The following ITGBL1 variants were observed in gnomAD, a reference collection of about 807,000 sequenced individuals.
ITGBL1 encodes integrin subunit beta like 1.
Under a neutral mutation model 68.5 loss-of-function variants are expected in ITGBL1, and 51 were observed. The ratio of observed to expected loss-of-function variants is 0.74; its 90% CI spans 0.59 to 0.94. The LOEUF is 0.94. Ranked by LOEUF, ITGBL1 falls within the 40% of genes least tolerant of loss-of-function variation. ITGBL1 has a pLI of 0.00. For synonymous variants in ITGBL1, 209 were observed against 227.3 expected (o/e 0.92, Z 0.72); for missense variants, 649 against 647.4 (o/e 1.00, Z -0.03).
chr13:101,552,102 A>G (rs1455116223), intron 2 of ITGBL1, among the ~76,000 whole-genome samples: 1 of 152,090 alleles, frequency 6.6e-6, no homozygotes. Context: ...CATACTGGCC[A>G]CTCTAGCAAC....
intron 4 of ITGBL1, 35 bp downstream of exon 4, chr13:101,575,581 T>C (rs2050345565): frequency 3.8e-6 from 6 of 1,597,450 alleles, no homozygotes; most frequent in Non-Finnish European, 5.1e-6. Flanking sequence ...TTAATAAAAG[T>C]ACCTGTTTTT....
intron 7 of ITGBL1, among the ~76,000 whole-genome samples, chr13:101,669,329 G>A (rs1292733565): frequency 1.3e-5 from 2 of 152,060 alleles, no homozygotes; most frequent in East Asian, 1.9e-4. Context: ...AAATAATATT[G>A]TGTGGTCAGA....
At chr13:101,597,187 TC>T (rs2139321928) in intron 6 of ITGBL1, among the ~76,000 whole-genome samples, 1 of 152,194 alleles carries the variant, frequency 6.6e-6, no homozygotes, top group Non-Finnish European at 1.5e-5. Context: ...ATATGGAATA[TC>T]TCCGCATCTC....
chr13:101,454,787 T>A (rs573795972), intron 2 of ITGBL1, among the ~76,000 whole-genome samples: 23 of 152,192 alleles, frequency 1.5e-4, no homozygotes, highest in Non-Finnish European at 2.1e-4. Flanking sequence ...ATCAGAAAAC[T>A]GTAACAAGGA....
chr13:101,690,008 T>C (rs2033848261), intron 7 of ITGBL1, among the ~76,000 whole-genome samples: 1 of 152,252 alleles, frequency 6.6e-6, no homozygotes, highest in Non-Finnish European at 1.5e-5. Flanking sequence ...CAGAAGCCAC[T>C]GTATCTTATA....
At chr13:101,716,841 C>T (rs1313895960), downstream of ITGBL1, 2 of 149,678 alleles carry the variant, frequency 1.3e-5, no homozygotes, top group South Asian at 2.1e-4. Flanking sequence ...TACAAATATT[C>T]ACTCAGTGAT....
intron 3 of ITGBL1, among the ~76,000 whole-genome samples, chr13:101,571,533 A>G (rs551916525): frequency 6.6e-6 from 1 of 152,140 alleles, no homozygotes; most frequent in Non-Finnish European, 1.5e-5. Context: ...ATAGTACACT[A>G]ACATGCTTCT....
At chr13:101,635,800 C>G (rs1473362870) in intron 7 of ITGBL1, among the ~76,000 whole-genome samples, 1 of 151,954 alleles carries the variant, frequency 6.6e-6, no homozygotes, top group African/African-American at 2.4e-5. Context: ...TAAAGAATAT[C>G]TGGGCTAATT....
At chr13:101,549,643 T>A (rs181500352) in intron 2 of ITGBL1, among the ~76,000 whole-genome samples, 200 of 152,152 alleles carry the variant, frequency 1.3e-3, no homozygotes, top group African/African-American at 4.4e-3. Flanking sequence ...TTTTAAAAGA[T>A]TTTTTATATA....
At chr13:101,601,485 G>A (rs377037978) in intron 7 of ITGBL1, among the ~76,000 whole-genome samples, 2 of 151,894 alleles carry the variant, frequency 1.3e-5, no homozygotes, top group Non-Finnish European at 2.9e-5. Flanking sequence ...TAGCTTTTGA[G>A]TGTGTTTGCT....
At chr13:101,660,292 T>G (rs780138607) in intron 7 of ITGBL1, among the ~76,000 whole-genome samples, 37 of 152,136 alleles carry the variant, frequency 2.4e-4, no homozygotes, top group Non-Finnish European at 5.3e-4. Flanking sequence ...GAGTGCTGAT[T>G]GGTTGGGTCA....
chr13:101,521,001 C>T (rs564452252), intron 2 of ITGBL1, among the ~76,000 whole-genome samples: 2 of 152,126 alleles, frequency 1.3e-5, no homozygotes, highest in East Asian at 3.9e-4. Flanking sequence ...ATCAGAATGC[C>T]GACTGAGAGA....
intron 2 of ITGBL1, among the ~76,000 whole-genome samples, chr13:101,508,204 A>G (rs1240375113): frequency 6.6e-6 from 1 of 152,196 alleles, no homozygotes; most frequent in Non-Finnish European, 1.5e-5. Flanking sequence ...CCATAAAAGC[A>G]AGAACTTTGT....
intron 7 of ITGBL1, among the ~76,000 whole-genome samples, chr13:101,602,874 G>A (rs2030472436): frequency 6.6e-6 from 1 of 151,916 alleles, no homozygotes; most frequent in Admixed American, 6.6e-5. Context: ...GTGTTTGCAA[G>A]GTTTATCAAA....
intron 2 of ITGBL1, among the ~76,000 whole-genome samples, chr13:101,507,936 T>C (rs1212278860): frequency 2.0e-5 from 3 of 152,174 alleles, no homozygotes; most frequent in Admixed American, 6.6e-5. Flanking sequence ...AACCTTTTCT[T>C]GTGTATTTTT....
chr13:101,583,156 A>T (rs766154010), intron 5 of ITGBL1, 60 bp from the exon 6 acceptor site: 6 of 1,507,962 alleles, frequency 4.0e-6, no homozygotes, highest in Non-Finnish European at 5.5e-6. Flanking sequence ...CGATATGTGA[A>T]ATGCTTTCTT....
chr13:101,716,083 A>C lies in ITGBL1; in HGVS notation c.*429A>C, dbSNP rs2034708948. 1 of 154,146 alleles carries C rather than the reference A, an allele frequency of 6.5e-6. No individual in the cohort carries two copies. The highest frequency in any genetic ancestry group is 2.4e-5 in the African/African-American group (1 of 41,496). The allele number at this position is 154,146 out of a possible 1,614,324, so 9.5% of individuals were successfully genotyped here. ...CAGCCCCAAATGCCAATAGGGCTCA[A>C]ACTGAGAAACATTGAGTTATATGGC... is the stretch of plus-strand genomic sequence containing the variant. On this transcript the variant is annotated 3_prime_UTR_variant, in exon 11 of 11. Transcript: ENST00000376180.
intron 7 of ITGBL1, among the ~76,000 whole-genome samples, chr13:101,681,562 C>A (rs557914016): frequency 6.6e-6 from 1 of 152,242 alleles, no homozygotes; most frequent in East Asian, 1.9e-4. Flanking sequence ...CTGTCTTGTT[C>A]GTCTTCTTGT....
intron 7 of ITGBL1, among the ~76,000 whole-genome samples, chr13:101,624,710 G>A (rs1176665298): frequency 1.3e-5 from 2 of 152,082 alleles, no homozygotes; most frequent in Non-Finnish European, 2.9e-5. Context: ...TCAAATTCTG[G>A]TCCCTGCAAC....
Sources: allele counts gnomAD v4.1 joint callset (sites outside exome capture counted in the v4.1 genomes callset), GRCh38; gene constraint gnomAD v4.1.1; transcripts MANE v1.5; gene names NCBI Gene and HGNC (gene_info 2026-07-23, HGNC 2026-07-21).